Variants in JAM3 observed in about 807,000 individuals in gnomAD.
JAM3 encodes the protein junctional adhesion molecule C.
Under a neutral mutation model 39.4 loss-of-function variants are expected in JAM3, and 31 were observed. The observed-to-expected ratio is 0.79, with a 90% confidence interval of 0.59 to 1.06. JAM3 has a LOEUF of 1.06. Ranked by LOEUF, JAM3 falls within the 50% of genes least tolerant of loss-of-function variation. JAM3 has a pLI of 0.00. For synonymous variants in JAM3, 182 were observed against 148.7 expected (o/e 1.22, Z -1.63); for missense variants, 455 against 391.4 (o/e 1.16, Z -1.37).
intron 3 of JAM3, among the ~76,000 whole-genome samples, chr11:134,142,100 C>T (rs1321223741): frequency 2.6e-5 from 4 of 152,074 alleles, no homozygotes; most frequent in Non-Finnish European, 5.9e-5. Context: ...CCTGCTAAAC[C>T]CTGAGCATGT....
At chr11:134,095,253 C>T (rs1488129246) in intron 1 of JAM3, among the ~76,000 whole-genome samples, 1 of 152,148 alleles carries the variant, frequency 6.6e-6, no homozygotes. Context: ...GTTAGGAATA[C>T]CTTCTAAAGA....
rs555451376 is a variant in JAM3, at chr11:134,105,636, T to A, written c.77-34215T>A. ...TCAGCCCAAAATCTCCTTAAGCTAA[T>A]AAGCAACTTCAGCAAAATCTCAGGA... is the stretch of plus-strand genomic sequence containing the variant. On this transcript the variant is annotated intron_variant, in intron 1 of 8. Coordinates refer to ENST00000299106, the MANE Select transcript of JAM3 (RefSeq NM_032801.5). 5.1e-4 allele frequency among the ~76,000 whole-genome samples: 78 copies of A among 152,322 alleles called. 1 individual carries two copies. Among genetic ancestry groups the A allele is most frequent in the South Asian group, 2.7e-3 (13 of 4,826 alleles).
intron 1 of JAM3, among the ~76,000 whole-genome samples, chr11:134,121,692 A>G (rs1942535396): frequency 6.6e-6 from 1 of 152,166 alleles, no homozygotes; most frequent in Non-Finnish European, 1.5e-5. Context: ...TTAGTCTTTA[A>G]TTTAAAAGAA....
chr11:134,115,183 A>G (rs1942401622), intron 1 of JAM3, among the ~76,000 whole-genome samples: 1 of 152,152 alleles, frequency 6.6e-6, no homozygotes, highest in South Asian at 2.1e-4. Flanking sequence ...ATACTTTGAT[A>G]CTAATATAGC....
chr11:134,075,786 C>G (rs1941559123), intron 1 of JAM3, among the ~76,000 whole-genome samples: 1 of 152,090 alleles, frequency 6.6e-6, no homozygotes, highest in Non-Finnish European at 1.5e-5. Context: ...CTGTGAGTTT[C>G]TTTCTTTCTT....
In JAM3 at chr11:134,139,206, T is replaced by C. The variant is rs555007486; in HGVS notation, c.77-645T>C. Reference sequence around the variant, plus strand: ...ATCAGATGCTAGTTTTGAAAGGGATTGCCATGCAATTAGTTATCTTGCTTT... The same window carrying C: ...ATCAGATGCTAGTTTTGAAAGGGATCGCCATGCAATTAGTTATCTTGCTTT... On this transcript the variant is annotated intron_variant, in intron 1 of 8. Transcript: ENST00000299106. Among the ~76,000 whole-genome samples the C allele has an allele frequency of 3.9e-5, 6 of 152,360 alleles. No individual in the cohort carries two copies. In the East Asian group the frequency reaches 1.2e-3, roughly 29 times the overall value.
chr11:134,125,368 A>G (rs2120793314), intron 1 of JAM3, among the ~76,000 whole-genome samples: 1 of 152,302 alleles, frequency 6.6e-6, no homozygotes, highest in South Asian at 2.1e-4. Context: ...TTTTACTCAA[A>G]CAATGGGATC....
chr11:134,120,569 T>C (rs1172428170), intron 1 of JAM3, among the ~76,000 whole-genome samples: 1 of 152,248 alleles, frequency 6.6e-6, no homozygotes, highest in Non-Finnish European at 1.5e-5. Flanking sequence ...TAGTAGCCAT[T>C]GTTAATGTTG....
intron 1 of JAM3, among the ~76,000 whole-genome samples, chr11:134,079,859 A>C (rs1297408408): frequency 1.3e-5 from 2 of 152,240 alleles, no homozygotes; most frequent in African/African-American, 4.8e-5. Flanking sequence ...TAGTCAACAG[A>C]AATATCTTCC....
rs769175735 is a variant in JAM3 at position 134,144,325 on chromosome 11, G to A, written c.341G>A (p.Arg114His). 9 of 1,614,174 alleles carry A rather than the reference G, an allele frequency of 5.6e-6. No individual in the cohort carries two copies. Among genetic ancestry groups the A allele is most frequent in the Non-Finnish European group, 7.6e-6 (9 of 1,180,022 alleles). ...ACACGGAGAGACTCAGCCCTTTATCGCTGTGAGGTCGTTGCTCGAAATGAC... is the reference window on the plus strand; with the variant it reads ...ACACGGAGAGACTCAGCCCTTTATCACTGTGAGGTCGTTGCTCGAAATGAC... ...NVTRRDSALY[R>H]CEVVARNDRK... is the part of the protein sequence containing the mutation. Residue 114 changes from arginine to histidine, a missense_variant, in exon 4 of 9, where the codon CGC (arginine) becomes CAC (histidine). By Grantham distance (29) the Arg-to-His change is conservative. Transcript: ENST00000299106.
At chr11:134,104,991 C>T (rs1942154489) in intron 1 of JAM3, among the ~76,000 whole-genome samples, 1 of 152,196 alleles carries the variant, frequency 6.6e-6, no homozygotes, top group African/African-American at 2.4e-5. Flanking sequence ...AGGGAATCCT[C>T]CCTAACTCAT....
At chr11:134,104,985 A>G (rs1942154270) in intron 1 of JAM3, among the ~76,000 whole-genome samples, 1 of 152,208 alleles carries the variant, frequency 6.6e-6, no homozygotes, top group South Asian at 2.1e-4. Context: ...AAAAAGAGGG[A>G]ATCCTCCCTA....
chr11:134,107,835 C>T (rs1024208938), intron 1 of JAM3, among the ~76,000 whole-genome samples: 2 of 151,434 alleles, frequency 1.3e-5, no homozygotes, highest in African/African-American at 2.4e-5. Flanking sequence ...GGCACTCTGG[C>T]TAAGCAACAG....
intron 1 of JAM3, among the ~76,000 whole-genome samples, chr11:134,109,728 A>G (rs1942274838): frequency 6.6e-6 from 1 of 152,224 alleles, no homozygotes; most frequent in Non-Finnish European, 1.5e-5. Context: ...GAATGTGGTA[A>G]TCCACATGTT....
chr11:134,124,201 C>G, intron 1 of JAM3: 1 of 1,425,332 alleles, frequency 7.0e-7, no homozygotes, highest in Non-Finnish European at 9.9e-7. Flanking sequence ...CAAACTCGAA[C>G]CAAAGTCATC....
chr11:134,148,323 C>G (rs1249391543), intron 6 of JAM3: 2 of 593,260 alleles, frequency 3.4e-6, no homozygotes. Context: ...TGCATTTCAA[C>G]TGTAGAAGTC....
chr11:134,124,202 C>T (rs1942593733), intron 1 of JAM3: 1 of 1,422,640 alleles, frequency 7.0e-7, no homozygotes, highest in Admixed American at 1.7e-5. Flanking sequence ...AAACTCGAAC[C>T]AAAGTCATCA....
intron 1 of JAM3, among the ~76,000 whole-genome samples, chr11:134,074,115 A>G (rs537273237): frequency 1.2e-4 from 19 of 152,360 alleles, no homozygotes; most frequent in Non-Finnish European, 2.5e-4. Context: ...ATACTAGTAT[A>G]TACTGTATGA....
chr11:134,145,158 T>C, intron 5 of JAM3, 164 bp downstream of exon 5: 1 of 676,112 alleles, frequency 1.5e-6, no homozygotes, highest in Non-Finnish European at 2.7e-6. Flanking sequence ...TTCTTCCTTT[T>C]ATAAACAAGT....
Sources: allele counts gnomAD v4.1 joint callset (sites outside exome capture counted in the v4.1 genomes callset), GRCh38; gene constraint gnomAD v4.1.1; transcripts MANE v1.5; gene names NCBI Gene and HGNC (gene_info 2026-07-23, HGNC 2026-07-21).